Variants in CGNL1 observed in about 807,000 individuals in gnomAD.
The protein encoded by CGNL1 is cingulin like 1, also known as cingulin-like protein 1.
Under a neutral mutation model 141.2 loss-of-function variants are expected in CGNL1, and 132 were observed. That is an observed-to-expected ratio of 0.93 (90% CI 0.81 to 1.08). The LOEUF is 1.08. CGNL1 is among the 50% of genes least tolerant of loss of function. CGNL1 has a pLI of 0.00. For synonymous variants in CGNL1, 690 were observed against 622.1 expected (o/e 1.11, Z -1.63); for missense variants, 1,870 against 1,588.6 (o/e 1.18, Z -3.01).
intron 8 of CGNL1, among the ~76,000 whole-genome samples, chr15:57,511,853 C>A (rs2030334726): frequency 6.6e-6 from 1 of 152,190 alleles, no homozygotes; most frequent in African/African-American, 2.4e-5. Flanking sequence ...CCATGTAATT[C>A]TTTTAAAACA....
intron 1 of CGNL1, among the ~76,000 whole-genome samples, chr15:57,418,587 G>A (rs1355148812): frequency 6.6e-6 from 1 of 152,156 alleles, no homozygotes; most frequent in African/African-American, 2.4e-5. Flanking sequence ...TCTTTGGCTT[G>A]TGGGAAACTG....
At chr15:57,437,055 A>G (rs1481442644) in intron 1 of CGNL1, among the ~76,000 whole-genome samples, 1 of 151,904 alleles carries the variant, frequency 6.6e-6, no homozygotes, top group East Asian at 1.9e-4. Context: ...TCCCTTTGCC[A>G]TTGCTGTTTT....
intron 8 of CGNL1, among the ~76,000 whole-genome samples, chr15:57,481,063 G>A (rs1055103024): frequency 1.8e-4 from 19 of 105,102 alleles, no homozygotes; most frequent in African/African-American, 5.4e-4. Flanking sequence ...AAAGACCTGG[G>A]GTTTTTTTTT....
chr15:57,436,184 A>G (rs1287335918), intron 1 of CGNL1, among the ~76,000 whole-genome samples: 2 of 152,206 alleles, frequency 1.3e-5, no homozygotes, highest in African/African-American at 4.8e-5. Flanking sequence ...CTCTCTTTTT[A>G]CTAACAGAAC....
chr15:57,452,806 C>A (rs182914504), intron 6 of CGNL1, among the ~76,000 whole-genome samples: 75 of 152,218 alleles, frequency 4.9e-4, no homozygotes, highest in Middle Eastern at 3.4e-3. Flanking sequence ...AATCGAAAAC[C>A]AAGGTCTAAG....
At chr15:57,423,917 G>A (rs1595688613) in intron 1 of CGNL1, among the ~76,000 whole-genome samples, 1 of 152,218 alleles carries the variant, frequency 6.6e-6, no homozygotes. Flanking sequence ...GGGCTGCAGA[G>A]CCACCGCAGC....
At chr15:57,382,313 A>G (rs1008938571) in intron 1 of CGNL1, among the ~76,000 whole-genome samples, 1 of 152,220 alleles carries the variant, frequency 6.6e-6, no homozygotes, top group African/African-American at 2.4e-5. Context: ...GATCAGCTCC[A>G]AGGAACATTT....
In CGNL1 at chr15:57,438,361, T is replaced by G. The variant is rs2063134618; in HGVS notation, c.362T>G (p.Leu121Arg). 3 of 1,614,110 alleles carry G rather than the reference T, an allele frequency of 1.9e-6. No individual in the cohort carries two copies. Among genetic ancestry groups the G allele is most frequent in the Non-Finnish European group, 1.7e-6 (2 of 1,180,016 alleles). Residue 121 changes from leucine (L) to arginine (R), a missense_variant, in exon 2 of 19, where the codon CTG (leucine) becomes CGG (arginine). Physicochemically the swap from Leu to Arg is moderately radical, Grantham distance 102. Transcript: ENST00000281282. ...PSPIRNLKQP[L>R]LHEGKNGVLD... ...CCAATAAGAAACCTGAAACAGCCCC[T>G]GCTCCATGAGGGCAAGAATGGAGTT... is the stretch of plus-strand genomic sequence containing the variant.
rs1163972306 is a variant in CGNL1 at position 57,548,780 on chromosome 15, T to C, written c.*1290T>C. 1.3e-5 allele frequency: 2 copies of C among 151,598 alleles called. No individual in the cohort carries two copies. The highest frequency in any genetic ancestry group is 1.3e-4 in the Admixed American group (2 of 15,216). 9.4% of individuals were successfully genotyped at this position (151,598 alleles called of 1,614,324 possible). A position where few individuals can be genotyped will look rare whatever the true frequency, so the allele number is the denominator to read the frequency against. The stretch of plus-strand genomic sequence containing the variant: ...GGTATGGGGGAAAGGTTCATAGACT[T>C]AGGTGTGAGAATGAGGTGGGAGGTG... On this transcript the variant is annotated 3_prime_UTR_variant, in exon 19 of 19. Coordinates refer to ENST00000281282, the MANE Select transcript of CGNL1 (RefSeq NM_032866.5).
intron 1 of CGNL1, among the ~76,000 whole-genome samples, chr15:57,413,007 C>T (rs746950237): frequency 3.4e-4 from 52 of 151,606 alleles, no homozygotes; most frequent in Non-Finnish European, 5.2e-4. Context: ...ATGACAGGTG[C>T]GTGCCACCAT....
chr15:57,468,935 T>A (rs1241182778), intron 8 of CGNL1, among the ~76,000 whole-genome samples: 1 of 152,222 alleles, frequency 6.6e-6, no homozygotes, highest in African/African-American at 2.4e-5. Context: ...AAGACGGGAC[T>A]TTTCCTCCTC....
intron 7 of CGNL1, among the ~76,000 whole-genome samples, chr15:57,454,772 C>A (rs1429534725): frequency 6.6e-6 from 1 of 152,208 alleles, no homozygotes; most frequent in Admixed American, 6.5e-5. Flanking sequence ...TCCTTAAAAA[C>A]CACCACATTC....
intron 14 of CGNL1, among the ~76,000 whole-genome samples, chr15:57,537,002 A>G (rs1204829573): frequency 6.6e-6 from 1 of 152,224 alleles, no homozygotes; most frequent in East Asian, 1.9e-4. Context: ...ATTCTTTATG[A>G]GTGCAGGATT....
intron 1 of CGNL1, among the ~76,000 whole-genome samples, chr15:57,431,453 A>G (rs2063043395): frequency 6.6e-6 from 1 of 152,190 alleles, no homozygotes; most frequent in African/African-American, 2.4e-5. Flanking sequence ...CTGTCATGTT[A>G]GGGAATACAT....
intron 4 of CGNL1, among the ~76,000 whole-genome samples, chr15:57,450,643 G>A (rs954058632): frequency 1.3e-5 from 2 of 152,118 alleles, no homozygotes; most frequent in African/African-American, 2.4e-5. Flanking sequence ...ATTGTGCTGT[G>A]GTTTGGAAAT....
chr15:57,481,163 TAAAA>T lies in CGNL1; in HGVS notation c.2403+19277_2403+19280del, dbSNP rs554664674. Among the ~76,000 whole-genome samples the T allele has an allele frequency of 8.3e-3, 1,233 of 149,048 alleles. 10 individuals carry two copies. Among genetic ancestry groups the T allele is most frequent in the Non-Finnish European group, 0.012 (834 of 67,260 alleles). ...ATAGTTATAAATTTATATGCAATTG[TAAAA>T]AAAAATACAGCTAGATGCCATATAC... On this transcript the variant is annotated intron_variant, in intron 8 of 18. Transcript: ENST00000281282.
At chr15:57,382,154 C>T (rs1289714150) in intron 1 of CGNL1, among the ~76,000 whole-genome samples, 1 of 152,182 alleles carries the variant, frequency 6.6e-6, no homozygotes, top group Non-Finnish European at 1.5e-5. Context: ...AACTTTGCTG[C>T]ATAGTAATTA....
chr15:57,443,830 G>T (rs1307362635), intron 4 of CGNL1, among the ~76,000 whole-genome samples: 9 of 152,184 alleles, frequency 5.9e-5, no homozygotes, highest in African/African-American at 2.2e-4. Context: ...GCTATGCAGG[G>T]AGTGCGGGTT....
rs755799852 is a variant in CGNL1, at chr15:57,439,451, G to T, written c.1452G>T (p.Ala484=). The T allele has an allele frequency of 3.3e-5, 53 of 1,614,184 alleles. No homozygotes were observed. Among genetic ancestry groups the T allele is most frequent in the Non-Finnish European group, 4.4e-5 (52 of 1,180,034 alleles). Residue 484 remains alanine (A), a synonymous_variant, in exon 2 of 19, where the codon GCG becomes GCT. Coordinates refer to ENST00000281282, the MANE Select transcript of CGNL1 (RefSeq NM_032866.5). ...EGSQESTVIR[A]PSLGAQSKKE... ...GTCAGGAAAGTACAGTGATCCGTGCGCCCTCCCTTGGTGCACAGAGTAAAA... is the reference window on the plus strand; with the variant it reads ...GTCAGGAAAGTACAGTGATCCGTGCTCCCTCCCTTGGTGCACAGAGTAAAA...
Sources: allele counts gnomAD v4.1 joint callset (sites outside exome capture counted in the v4.1 genomes callset), GRCh38; gene constraint gnomAD v4.1.1; transcripts MANE v1.5; gene names NCBI Gene and HGNC (gene_info 2026-07-23, HGNC 2026-07-21).